Variants in NR2F1-AS1 observed in about 807,000 individuals in gnomAD.
NR2F1-AS1 encodes NR2F1 antisense RNA 1.
chr5:93,415,881 T>C (rs567486771), intron 4 of NR2F1-AS1, among the ~76,000 whole-genome samples: 108 of 152,328 alleles, frequency 7.1e-4, no homozygotes, highest in Non-Finnish European at 1.2e-3. Flanking sequence ...TCTACAAAAA[T>C]AGCATGGATG....
intron 4 of NR2F1-AS1, among the ~76,000 whole-genome samples, chr5:93,540,760 AAC>A (rs1751933715): frequency 1.3e-5 from 2 of 152,168 alleles, no homozygotes; most frequent in South Asian, 2.1e-4. Context: ...CACACAAAAA[AAC>A]ACACACAAGT....
intron 4 of NR2F1-AS1, among the ~76,000 whole-genome samples, chr5:93,502,972 C>CTAA (rs1421233260): frequency 6.6e-6 from 1 of 152,000 alleles, no homozygotes; most frequent in Non-Finnish European, 1.5e-5. Context: ...AAATCAAAAG[C>CTAA]TAATTACATT....
At chr5:93,554,408 T>C (rs1020796993) in intron 3 of NR2F1-AS1, among the ~76,000 whole-genome samples, 1 of 152,206 alleles carries the variant, frequency 6.6e-6, no homozygotes, top group Non-Finnish European at 1.5e-5. Flanking sequence ...TTCATTCTTG[T>C]TAATACCGAG....
At chr5:93,440,681 T>A (rs1223237103) in intron 4 of NR2F1-AS1, among the ~76,000 whole-genome samples, 1 of 152,196 alleles carries the variant, frequency 6.6e-6, no homozygotes, top group Non-Finnish European at 1.5e-5. Context: ...TCTGAAGATA[T>A]CTACATCTTA....
intron 4 of NR2F1-AS1, among the ~76,000 whole-genome samples, chr5:93,513,375 G>A (rs542404720): frequency 5.3e-5 from 8 of 152,178 alleles, no homozygotes; most frequent in African/African-American, 1.7e-4. Flanking sequence ...TATGTTCATC[G>A]CAGCACCATC....
At chr5:93,524,363 G>C (rs1013583369) in intron 4 of NR2F1-AS1, among the ~76,000 whole-genome samples, 3 of 152,148 alleles carry the variant, frequency 2.0e-5, no homozygotes, top group African/African-American at 4.8e-5. Flanking sequence ...TATGTGAATA[G>C]ACCAAACCTG....
At chr5:93,577,412 A>G (rs190002238) in intron 1 of NR2F1-AS1, among the ~76,000 whole-genome samples, 23 of 152,356 alleles carry the variant, frequency 1.5e-4, no homozygotes, top group Non-Finnish European at 2.5e-4. Flanking sequence ...TAGGCAGTCC[A>G]CCAGAAGCCT....
chr5:93,437,709 T>C (rs1749472882), intron 4 of NR2F1-AS1, among the ~76,000 whole-genome samples: 1 of 152,192 alleles, frequency 6.6e-6, no homozygotes, highest in African/African-American at 2.4e-5. Flanking sequence ...GATTCTATCA[T>C]GATGTTTAAT....
At chr5:93,425,481 T>G (rs1289883796) in intron 4 of NR2F1-AS1, among the ~76,000 whole-genome samples, 1 of 152,208 alleles carries the variant, frequency 6.6e-6, no homozygotes, top group Non-Finnish European at 1.5e-5. Flanking sequence ...ACTCCACCTC[T>G]TAATGGATGG....
intron 4 of NR2F1-AS1, among the ~76,000 whole-genome samples, chr5:93,439,631 C>A (rs553966815): frequency 3.3e-5 from 5 of 152,306 alleles, no homozygotes; most frequent in Non-Finnish European, 5.9e-5. Flanking sequence ...TTAAAAAATG[C>A]TCAAATCAGT....
intron 1 of NR2F1-AS1, among the ~76,000 whole-genome samples, chr5:93,568,027 T>A (rs1752656995): frequency 6.6e-6 from 1 of 151,884 alleles, no homozygotes; most frequent in East Asian, 1.9e-4. Flanking sequence ...ACAACTTAAC[T>A]GACTAATTCC....
chr5:93,500,992 CAA>C (rs958434672), intron 4 of NR2F1-AS1, among the ~76,000 whole-genome samples: 17 of 152,076 alleles, frequency 1.1e-4, no homozygotes, highest in Admixed American at 6.6e-5. Context: ...TGGATCTGGG[CAA>C]AGTCAATTGA....
rs74682451 is a variant in NR2F1-AS1 at position 93,437,192 on chromosome 5, T to C, written n.639-41650A>G. ...AGGTCTAGAATTGCACTGTCCAAAA[T>C]AGTAGTCAATAGCTACACATAGCTA... On this transcript the variant is annotated intron_variant and non_coding_transcript_variant, in intron 4 of 5. Transcript: ENST00000660523. Among the ~76,000 whole-genome samples, 350 of 152,180 alleles carry C rather than the reference T, an allele frequency of 2.3e-3. 9 individuals carry two copies. In the East Asian group the frequency reaches 0.047, roughly 20 times the overall value.
Position 93,550,435 on chromosome 5 carries a change from G to C in NR2F1-AS1, n.638+3326C>G, listed in dbSNP as rs942747893. On this transcript the variant is annotated intron_variant and non_coding_transcript_variant, in intron 4 of 5. Coordinates refer to ENST00000660523, the Ensembl canonical transcript of NR2F1-AS1. ...AACATCATGGCCTCATTGCAAATTG[G>C]GTATTTAGGGAAAACTACATTTCCT... Among the ~76,000 whole-genome samples, 11 of 152,202 alleles carry C rather than the reference G, an allele frequency of 7.2e-5. No individual in the cohort carries two copies. In the East Asian group the frequency reaches 2.1e-3, roughly 29 times the overall value.
At chr5:93,556,688 GT>G (rs1316796973) in intron 2 of NR2F1-AS1, among the ~76,000 whole-genome samples, 1 of 152,146 alleles carries the variant, frequency 6.6e-6, no homozygotes, top group East Asian at 1.9e-4. Context: ...AGAGATCACA[GT>G]GATAGACTGT....
intron 4 of NR2F1-AS1, among the ~76,000 whole-genome samples, chr5:93,486,732 C>A (rs187212290): frequency 3.3e-5 from 5 of 152,254 alleles, no homozygotes; most frequent in Non-Finnish European, 7.4e-5. Context: ...GGGACTCCTC[C>A]CTAACTCATT....
intron 4 of NR2F1-AS1, among the ~76,000 whole-genome samples, chr5:93,497,774 G>A (rs1025377054): frequency 6.6e-5 from 10 of 152,188 alleles, no homozygotes; most frequent in African/African-American, 2.4e-4. Flanking sequence ...GCCATAGCCT[G>A]AAATATCAGA....
At chr5:93,533,089 T>C (rs1751767252) in intron 4 of NR2F1-AS1, among the ~76,000 whole-genome samples, 2 of 152,212 alleles carry the variant, frequency 1.3e-5, no homozygotes, top group South Asian at 2.1e-4. Context: ...ATTAGGCTTT[T>C]ACCTGAAAAA....
intron 4 of NR2F1-AS1, among the ~76,000 whole-genome samples, chr5:93,512,414 TAA>T (rs1310849108): frequency 6.6e-6 from 1 of 152,324 alleles, no homozygotes; most frequent in South Asian, 2.1e-4. Context: ...AAAATGTTTT[TAA>T]AAAGTTTATA....
Sources: allele counts gnomAD v4.1 joint callset (sites outside exome capture counted in the v4.1 genomes callset), GRCh38; gene constraint gnomAD v4.1.1; transcripts MANE v1.5; gene names NCBI Gene and HGNC (gene_info 2026-07-23, HGNC 2026-07-21).